EPHA6: variants seen among roughly 807,000 people sequenced by gnomAD.
The protein encoded by EPHA6 is ephrin type-A receptor 6.
Under a neutral mutation model 112.0 loss-of-function variants are expected in EPHA6, and 50 were observed. The ratio of observed to expected loss-of-function variants is 0.45; its 90% confidence interval spans 0.36 to 0.56. The LOEUF is 0.56. Ranked by LOEUF, EPHA6 falls within the 20% of genes least tolerant of loss-of-function variation. The probability of loss-of-function intolerance (pLI) is 0.00; values close to 1 mark genes in which losing one functional copy is unlikely to be tolerated. For synonymous variants in EPHA6, 529 were observed against 490.7 expected, an observed-to-expected ratio of 1.08 and a Z score of -1.03; for missense variants, 1,280 against 1,417.4, an observed-to-expected ratio of 0.90 and a Z score of 1.56.
chr3:97,666,430 T>C (rs895492590), intron 14 of EPHA6, among the ~76,000 whole-genome samples: 4 of 152,226 alleles, frequency 2.6e-5, no homozygotes, highest in African/African-American at 9.6e-5. Flanking sequence ...CAGGCTTGGT[T>C]TCTTCTGAAA....
chr3:97,399,059 A>G (rs942780206), intron 5 of EPHA6, among the ~76,000 whole-genome samples: 8 of 151,484 alleles, frequency 5.3e-5, no homozygotes, highest in African/African-American at 1.7e-4. Context: ...TCTCTTACCT[A>G]GCTGTCATTT....
intron 2 of EPHA6, among the ~76,000 whole-genome samples, chr3:96,908,098 GGTAA>G (rs761178065): frequency 2.6e-5 from 4 of 151,830 alleles, no homozygotes; most frequent in Non-Finnish European, 5.9e-5. Context: ...GTAACACAAT[GGTAA>G]GTATTTGTGT....
chr3:97,760,390 G>T lies in EPHA6; in HGVS notation c.*11689G>T, dbSNP rs548019507. 5 of 160,746 alleles carry T rather than the reference G, an allele frequency of 3.1e-5. No individual in the cohort carries two copies. The highest frequency in any genetic ancestry group is 5.4e-5 in the Non-Finnish European group (4 of 74,548). The allele number at this position is 160,746 out of a possible 1,614,324, so 10.0% of individuals were successfully genotyped here. A position where few individuals can be genotyped will look rare whatever the true frequency, so the allele number is the denominator to read the frequency against. ...ATATACCATATGTATATATACATATGTATGTGTGTATGTGTGTATATATAT... is the reference window on the plus strand; with the variant it reads ...ATATACCATATGTATATATACATATTTATGTGTGTATGTGTGTATATATAT... On this transcript the variant is annotated 3_prime_UTR_variant, in exon 18 of 18. Transcript: ENST00000389672.
intron 3 of EPHA6, among the ~76,000 whole-genome samples, chr3:97,174,148 C>A (rs2076771800): frequency 6.6e-6 from 1 of 150,664 alleles, no homozygotes; most frequent in South Asian, 2.1e-4. Context: ...TGATGTTTGT[C>A]TTTTGTCTTT....
intron 2 of EPHA6, among the ~76,000 whole-genome samples, chr3:96,904,917 A>G (rs2107584738): frequency 6.6e-6 from 1 of 152,282 alleles, no homozygotes. Context: ...CAACACTGGT[A>G]AAGGACCTTG....
At chr3:97,712,661 T>G (rs1308454146) in intron 14 of EPHA6, among the ~76,000 whole-genome samples, 1 of 152,234 alleles carries the variant, frequency 6.6e-6, no homozygotes, top group Non-Finnish European at 1.5e-5. Context: ...GTAGCACCTA[T>G]GTTCTCAGTG....
intron 2 of EPHA6, among the ~76,000 whole-genome samples, chr3:96,965,597 A>G (rs555775666): frequency 4.6e-5 from 7 of 152,174 alleles, no homozygotes; most frequent in East Asian, 3.9e-4. Context: ...TGCAAATAAC[A>G]TATATAAACC....
At chr3:97,186,815 C>A (rs1034796641) in intron 3 of EPHA6, among the ~76,000 whole-genome samples, 2 of 152,098 alleles carry the variant, frequency 1.3e-5, no homozygotes, top group Non-Finnish European at 2.9e-5. Context: ...CAGCCAGTAG[C>A]ATTCAAGACA....
At chr3:97,575,404 T>C (rs745632132) in intron 11 of EPHA6, among the ~76,000 whole-genome samples, 14 of 152,304 alleles carry the variant, frequency 9.2e-5, no homozygotes, top group Non-Finnish European at 2.1e-4. Context: ...TAATCAAATT[T>C]AAACATTCAA....
rs2091050964 is a variant in EPHA6 at position 97,466,299 on chromosome 3, T to A, written c.1895-9053T>A. 3 of 1,435,172 alleles carry A rather than the reference T, an allele frequency of 2.1e-6. No homozygotes were observed. In the African/African-American group the frequency reaches 4.2e-5, roughly 20 times the overall value. 88.9% of individuals were successfully genotyped at this position (1,435,172 alleles called of 1,614,324 possible). A position where few individuals can be genotyped will look rare whatever the true frequency, so the allele number is the denominator to read the frequency against. ...TAGAAAACATTCCCCTCAAGCAACATAATAAACAATGAGAAGTAACTATAC... is the reference window on the plus strand; with the variant it reads ...TAGAAAACATTCCCCTCAAGCAACAAAATAAACAATGAGAAGTAACTATAC... On this transcript the variant is annotated intron_variant, in intron 7 of 17. Transcript: ENST00000389672.
chr3:97,707,059 T>A (rs1320698976), intron 14 of EPHA6, among the ~76,000 whole-genome samples: 2 of 152,122 alleles, frequency 1.3e-5, no homozygotes, highest in African/African-American at 2.4e-5. Context: ...AATTGAAAAT[T>A]TAGACTGAGA....
intron 13 of EPHA6, among the ~76,000 whole-genome samples, chr3:97,614,660 C>G (rs968481238): frequency 6.6e-6 from 1 of 151,898 alleles, no homozygotes; most frequent in African/African-American, 2.4e-5. Context: ...CCTATACTTA[C>G]ATTTTTTACA....
At chr3:97,584,699 A>G (rs2093471328) in intron 11 of EPHA6, among the ~76,000 whole-genome samples, 1 of 152,182 alleles carries the variant, frequency 6.6e-6, no homozygotes. Flanking sequence ...ATACCTGCCA[A>G]AACCAGAAGG....
chr3:96,944,733 A>G (rs2041162430), intron 2 of EPHA6, among the ~76,000 whole-genome samples: 1 of 152,186 alleles, frequency 6.6e-6, no homozygotes. Context: ...AGAGATCAAG[A>G]GATTGAGACC....
Position 97,537,935 on chromosome 3 carries a change from A to G in EPHA6, c.2386+5392A>G, listed in dbSNP as rs192578193. Reference sequence around the variant, plus strand: ...GACAGAACTAACTGCTAGAGGAGACAAAAAGAAATCTAAATATTTAAATGT... The same window carrying G: ...GACAGAACTAACTGCTAGAGGAGACGAAAAGAAATCTAAATATTTAAATGT... On this transcript the variant is annotated intron_variant, in intron 11 of 17. Coordinates refer to ENST00000389672, the MANE Select transcript of EPHA6 (RefSeq NM_001080448.3). Among the ~76,000 whole-genome samples, 30 of 152,328 alleles carry G rather than the reference A, an allele frequency of 2.0e-4. No homozygotes were observed. The East Asian group carries it at 5.8e-3, about 29-fold the overall frequency.
chr3:97,030,017 A>T (rs2044771307), intron 3 of EPHA6, among the ~76,000 whole-genome samples: 2 of 152,114 alleles, frequency 1.3e-5, no homozygotes, highest in South Asian at 4.1e-4. Flanking sequence ...CAATAGAATG[A>T]TCCAGAAGGA....
intron 2 of EPHA6, among the ~76,000 whole-genome samples, chr3:96,874,738 A>G (rs549066480): frequency 6.6e-6 from 1 of 152,150 alleles, no homozygotes; most frequent in Non-Finnish European, 1.5e-5. Context: ...TCCATAAATG[A>G]CTAAGCCAAT....
chr3:97,599,847 T>C (rs1314557379), intron 12 of EPHA6, among the ~76,000 whole-genome samples: 1 of 152,182 alleles, frequency 6.6e-6, no homozygotes, highest in Non-Finnish European at 1.5e-5. Context: ...AATCTGTAAA[T>C]TACCTTGAGC....
intron 14 of EPHA6, chr3:97,646,163 A>G (rs946842815): frequency 2.0e-6 from 3 of 1,535,510 alleles, no homozygotes; most frequent in Non-Finnish European, 2.6e-6. Context: ...TGGTTAAAGA[A>G]GATGGTCTGG....
Sources: allele counts gnomAD v4.1 joint callset (sites outside exome capture counted in the v4.1 genomes callset), GRCh38; gene constraint gnomAD v4.1.1; transcripts MANE v1.5; gene names NCBI Gene and HGNC (gene_info 2026-07-23, HGNC 2026-07-21).